TANC2: variants seen among roughly 807,000 people sequenced by gnomAD.
TANC2 encodes the protein tetratricopeptide repeat, ankyrin repeat and coiled-coil containing 2, also known as protein TANC2.
TANC2 carries 26 observed loss-of-function variants against 210.5 expected under a neutral mutation model. That is an observed-to-expected ratio of 0.12 (90% CI 0.09 to 0.17). TANC2 has a LOEUF of 0.17. Among genes scored for constraint, TANC2 ranks in the 10% least tolerant of loss-of-function variants. TANC2 has a pLI of 1.00. For synonymous variants in TANC2, 931 were observed against 967.1 expected, an observed-to-expected ratio of 0.96 and a Z score of 0.69; for missense variants, 2,129 against 2,608.9, an observed-to-expected ratio of 0.82 and a Z score of 4.01.
intron 14 of TANC2, 144 bp from the exon 15 acceptor site, chr17:63,379,574 G>A: frequency 2.0e-6 from 1 of 497,344 alleles, no homozygotes; most frequent in East Asian, 3.6e-5. Context: ...GAGGCTGAGG[G>A]AGGAGAATCA....
intron 2 of TANC2, among the ~76,000 whole-genome samples, chr17:63,058,097 A>AT (rs967897879): frequency 3.3e-5 from 5 of 152,014 alleles, no homozygotes; most frequent in South Asian, 2.1e-4. Flanking sequence ...AGTATCTATC[A>AT]TTTTTTTACT....
intron 4 of TANC2, among the ~76,000 whole-genome samples, chr17:63,136,682 G>A (rs552214781): frequency 6.6e-6 from 1 of 152,290 alleles, no homozygotes; most frequent in East Asian, 1.9e-4. Flanking sequence ...CTACTATGAT[G>A]AATTTACCAG....
intron 5 of TANC2, among the ~76,000 whole-genome samples, chr17:63,186,794 G>A (rs1187896422): frequency 6.6e-6 from 1 of 152,128 alleles, no homozygotes; most frequent in Non-Finnish European, 1.5e-5. Flanking sequence ...TGCTTACAAA[G>A]AGCCAAAATA....
chr17:63,050,691 C>T (rs1222557125), intron 2 of TANC2, among the ~76,000 whole-genome samples: 1 of 152,146 alleles, frequency 6.6e-6, no homozygotes, highest in Non-Finnish European at 1.5e-5. Context: ...AAGAAAGAAA[C>T]ATTAACTGCA....
At chr17:63,201,515 C>T (rs186536177) in intron 7 of TANC2, among the ~76,000 whole-genome samples, 2 of 151,922 alleles carry the variant, frequency 1.3e-5, no homozygotes, top group Non-Finnish European at 2.9e-5. Flanking sequence ...AAACCTTATA[C>T]GAATACATTT....
At chr17:63,235,055 T>TTTACCA (rs1233963799) in intron 7 of TANC2, among the ~76,000 whole-genome samples, 12 of 152,118 alleles carry the variant, frequency 7.9e-5, no homozygotes, top group Admixed American at 4.6e-4. Flanking sequence ...GAGCTTTTTC[T>TTTACCA]GAGGTGATTT....
At chr17:62,968,211 T>C (rs2031473101) in intron 1 of TANC2, among the ~76,000 whole-genome samples, 1 of 152,220 alleles carries the variant, frequency 6.6e-6, no homozygotes, top group South Asian at 2.1e-4. Flanking sequence ...TGAGTGTGAA[T>C]ATACTATATA....
chr17:63,258,136 C>A (rs2120255), intron 8 of TANC2, among the ~76,000 whole-genome samples: 90,130 of 151,998 alleles, frequency 0.59, 29,006 homozygotes, highest in African/African-American at 0.84. Flanking sequence ...GCTATTCTAC[C>A]ATAGAATTTT....
Position 63,108,714 on chromosome 17 carries a change from C to T in TANC2, c.322+9357C>T, listed in dbSNP as rs1567728757. ...GTCCCAGCTCCTTGGGAGGCTGAGG[C>T]AGGAGAATCCCTTGAACCCGTGAGG... On this transcript the variant is annotated intron_variant, in intron 4 of 27. Transcript: ENST00000689528. 4.6e-5 allele frequency among the ~76,000 whole-genome samples: 7 copies of T among 151,668 alleles called. No individual in the cohort carries two copies. The South Asian group carries it at 1.5e-3, about 31-fold the overall frequency.
intron 4 of TANC2, among the ~76,000 whole-genome samples, chr17:63,107,133 C>T (rs1427191498): frequency 1.3e-5 from 2 of 151,432 alleles, no homozygotes; most frequent in African/African-American, 2.4e-5. Context: ...GGAAGAAAAA[C>T]AATAAGAAAA....
intron 8 of TANC2, among the ~76,000 whole-genome samples, chr17:63,260,444 T>G (rs1235345603): frequency 6.6e-6 from 1 of 152,256 alleles, no homozygotes; most frequent in African/African-American, 2.4e-5. Context: ...CAGGCCATAT[T>G]TGGTCCACAG....
intron 2 of TANC2, among the ~76,000 whole-genome samples, chr17:63,023,964 CAT>C (rs757339657): frequency 2.6e-5 from 4 of 152,160 alleles, no homozygotes; most frequent in South Asian, 2.1e-4. Context: ...TATTCACACT[CAT>C]GTGTTCATAT....
At chr17:62,978,938 T>A (rs1276316767) in intron 1 of TANC2, 5 of 152,172 alleles carry the variant, frequency 3.3e-5, no homozygotes, top group African/African-American at 4.8e-5. Flanking sequence ...TTAATAAAAT[T>A]TTGGAATAAT....
chr17:63,281,981 C>G (rs897553640), intron 9 of TANC2, among the ~76,000 whole-genome samples: 1 of 151,998 alleles, frequency 6.6e-6, no homozygotes, highest in Admixed American at 6.6e-5. Context: ...TTTTGGACTT[C>G]TAGCCTCCAG....
chr17:63,103,236 C>G (rs2037697522), intron 4 of TANC2, among the ~76,000 whole-genome samples: 1 of 152,050 alleles, frequency 6.6e-6, no homozygotes, highest in African/African-American at 2.4e-5. Context: ...ACTCTGTAAC[C>G]TTTATACTCT....
At chr17:63,014,759 T>C (rs72843158) in intron 2 of TANC2, among the ~76,000 whole-genome samples, 2,756 of 152,330 alleles carry the variant, frequency 0.018, 45 homozygotes, top group Non-Finnish European at 0.029. Context: ...GTATTATAGC[T>C]AATTCCTTTG....
At chr17:63,360,489 T>G (rs911258870) in intron 14 of TANC2, among the ~76,000 whole-genome samples, 10 of 152,170 alleles carry the variant, frequency 6.6e-5, no homozygotes, top group Non-Finnish European at 1.3e-4. Flanking sequence ...TTTTTAATTT[T>G]TAATTTTTGT....
intron 2 of TANC2, among the ~76,000 whole-genome samples, chr17:63,023,106 A>G (rs934582845): frequency 2.6e-5 from 4 of 152,224 alleles, no homozygotes; most frequent in African/African-American, 9.6e-5. Flanking sequence ...GGTTCCCTAC[A>G]AGGGCAATGC....
rs144720276 is a variant in TANC2, at chr17:63,153,336, A to G, written c.433+1956A>G. ...ATTGTACATTCATACAGAGTAATAC[A>G]GTTAAGGCTACTAGTGTTCTGATAC... On this transcript the variant is annotated intron_variant, in intron 5 of 27. Coordinates refer to ENST00000689528, the Ensembl canonical transcript of TANC2. 484 of 152,306 alleles carry G rather than the reference A, an allele frequency of 3.2e-3. 4 individuals are homozygous for G. The highest frequency in any genetic ancestry group is 0.011 in the African/African-American group (448 of 41,576). The allele number at this position is 152,306 out of a possible 1,614,324, so 9.4% of individuals were successfully genotyped here.
Sources: allele counts gnomAD v4.1 joint callset (sites outside exome capture counted in the v4.1 genomes callset), GRCh38; gene constraint gnomAD v4.1.1; transcripts MANE v1.5; gene names NCBI Gene and HGNC (gene_info 2026-07-23, HGNC 2026-07-21).